The following ERP44 variants were observed in gnomAD, a reference collection of about 807,000 sequenced individuals.
The protein encoded by ERP44 is endoplasmic reticulum protein 44, also known as endoplasmic reticulum resident protein 44.
In ERP44, 25 loss-of-function variants were observed where a neutral mutation model predicts 53.4. The observed-to-expected ratio is 0.47, with a 90% CI of 0.34 to 0.65. The LOEUF is 0.65. ERP44 is among the 30% of genes least tolerant of loss of function. The pLI, the probability that ERP44 is intolerant of heterozygous loss-of-function variation, is 0.01. For synonymous variants in ERP44, 145 were observed against 161.2 expected (o/e 0.90, Z 0.76); for missense variants, 338 against 493.2 (o/e 0.69, Z 2.98).
At chr9:100,065,571 C>T (rs1826202561) in intron 1 of ERP44, among the ~76,000 whole-genome samples, 1 of 152,106 alleles carries the variant, frequency 6.6e-6, no homozygotes, top group Non-Finnish European at 1.5e-5. Context: ...ATCAAAATAT[C>T]TCATTGTACA....
In ERP44 at chr9:100,016,348, G is replaced by A. The variant is rs374215522; in HGVS notation, c.736C>T (p.Arg246Ter). Reference protein sequence around the residue: ...WIQDKCVPLVREITFENGEEL... With the variant: ...WIQDKCVPLV ...TCTCCATTTTCAAATGTTATTTCTCGGACAAGAGGAACACATTTATCTTGA... is the reference window on the plus strand; with the variant it reads ...TCTCCATTTTCAAATGTTATTTCTCAGACAAGAGGAACACATTTATCTTGA... Residue 246 changes from arginine to a stop codon, truncating the protein, a stop_gained, in exon 8 of 12, where the codon CGA (arginine) becomes TGA (stop). Coordinates refer to ENST00000262455, the MANE Select transcript of ERP44 (RefSeq NM_015051.3). LOFTEE classifies it high-confidence loss of function. The A allele has an allele frequency of 6.2e-7, 1 of 1,610,648 alleles. No individual in the cohort carries two copies. The highest frequency in any genetic ancestry group is 8.5e-7 in the Non-Finnish European group (1 of 1,178,884).
intron 1 of ERP44, among the ~76,000 whole-genome samples, chr9:100,087,534 A>G (rs1826498955): frequency 6.6e-6 from 1 of 152,238 alleles, no homozygotes; most frequent in South Asian, 2.1e-4. Context: ...AGGAGAGTTT[A>G]GTTTCTTATA....
intron 1 of ERP44, among the ~76,000 whole-genome samples, chr9:100,070,772 C>T (rs1826292725): frequency 6.6e-6 from 1 of 152,156 alleles, no homozygotes; most frequent in Non-Finnish European, 1.5e-5. Flanking sequence ...TGTAAAATGA[C>T]ACCATGAGGA....
intron 8 of ERP44, among the ~76,000 whole-genome samples, chr9:100,011,436 A>AGT (rs2118639185): frequency 6.6e-6 from 1 of 152,318 alleles, no homozygotes; most frequent in African/African-American, 2.4e-5. Flanking sequence ...AATTGAGTGC[A>AGT]GTGCACATAG....
chr9:100,008,137 A>C (rs1030135978), intron 8 of ERP44, among the ~76,000 whole-genome samples: 1 of 152,138 alleles, frequency 6.6e-6, no homozygotes, highest in Admixed American at 6.5e-5. Context: ...GATTTGCAAA[A>C]TTTTTTGTAT....
chr9:99,983,962 A>C (rs1830173861), intron 11 of ERP44, among the ~76,000 whole-genome samples: 1 of 152,224 alleles, frequency 6.6e-6, no homozygotes, highest in Non-Finnish European at 1.5e-5. Context: ...CAATAACGGT[A>C]AATGACATCT....
chr9:100,019,993 T>G (rs969969919), intron 6 of ERP44, among the ~76,000 whole-genome samples: 1 of 150,556 alleles, frequency 6.6e-6, no homozygotes, highest in African/African-American at 2.4e-5. Context: ...AAAAGAAAGG[T>G]GAAATTATAG....
chr9:100,056,044 A>T (rs1826084004), intron 3 of ERP44, among the ~76,000 whole-genome samples: 1 of 152,184 alleles, frequency 6.6e-6, no homozygotes. Flanking sequence ...AACTCAGTCC[A>T]TGTTTCCAAT....
intron 1 of ERP44, among the ~76,000 whole-genome samples, chr9:100,092,258 A>G (rs1826567312): frequency 6.6e-6 from 1 of 152,272 alleles, no homozygotes; most frequent in South Asian, 2.1e-4. Context: ...AATATCAGAT[A>G]AGCTGTGACA....
intron 3 of ERP44, among the ~76,000 whole-genome samples, chr9:100,054,938 T>C (rs1200988450): frequency 6.6e-6 from 1 of 152,160 alleles, no homozygotes; most frequent in Non-Finnish European, 1.5e-5. Flanking sequence ...ATCTAGTGCT[T>C]AAATCAATCC....
intron 10 of ERP44, among the ~76,000 whole-genome samples, chr9:99,985,953 GATA>G (rs1830192894): frequency 6.6e-6 from 1 of 152,148 alleles, no homozygotes; most frequent in Non-Finnish European, 1.5e-5. Context: ...ATATTCTGAG[GATA>G]ATGATATATA....
At chr9:100,097,331 T>C (rs1396473937) in intron 1 of ERP44, among the ~76,000 whole-genome samples, 1 of 152,060 alleles carries the variant, frequency 6.6e-6, no homozygotes, top group Non-Finnish European at 1.5e-5. Flanking sequence ...AACTTTTCTT[T>C]ACAATATCTT....
chr9:100,000,481 A>G (rs1282425167), intron 10 of ERP44, among the ~76,000 whole-genome samples: 4 of 148,118 alleles, frequency 2.7e-5, no homozygotes, highest in African/African-American at 7.4e-5. Flanking sequence ...ATTTTTTGGT[A>G]GTTTTAGAAA....
At chr9:100,049,435 CA>C (rs1826013061) in intron 4 of ERP44, among the ~76,000 whole-genome samples, 1 of 152,080 alleles carries the variant, frequency 6.6e-6, no homozygotes, top group Non-Finnish European at 1.5e-5. Context: ...AGAAAATAAA[CA>C]ATCCAATAAA....
At chr9:100,068,427 G>T (rs537542393) in intron 1 of ERP44, among the ~76,000 whole-genome samples, 1 of 119,600 alleles carries the variant, frequency 8.4e-6, no homozygotes, top group Non-Finnish European at 1.8e-5. Context: ...CAGCCGCCCC[G>T]TCCGGGAGGT....
chr9:100,022,822 G>A (rs1370185652), intron 4 of ERP44, among the ~76,000 whole-genome samples: 2 of 152,154 alleles, frequency 1.3e-5, no homozygotes, highest in Admixed American at 6.5e-5. Context: ...AGGTTAAAAT[G>A]GAATATGAGC....
At chr9:100,060,745 CAAGTTT>C (rs1380153477) in intron 1 of ERP44, among the ~76,000 whole-genome samples, 6 of 152,094 alleles carry the variant, frequency 3.9e-5, no homozygotes, top group East Asian at 1.9e-4. Context: ...ATCCAAAGTT[CAAGTTT>C]ATCAAAGAAA....
chr9:99,993,043 G>C (rs1447745322), intron 10 of ERP44, among the ~76,000 whole-genome samples: 1 of 152,210 alleles, frequency 6.6e-6, no homozygotes, highest in Non-Finnish European at 1.5e-5. Context: ...AACATTCCAT[G>C]CTCGTGGATA....
At chr9:99,982,741 A>G in intron 11 of ERP44, 28 bp from the exon 12 acceptor site, 1 of 1,406,964 alleles carries the variant, frequency 7.1e-7, no homozygotes, top group Admixed American at 2.0e-5. Flanking sequence ...AAACATTTTT[A>G]TACCAATATA....
Sources: gnomAD v4.1 joint callset for allele counts (sites outside exome capture counted in the v4.1 genomes callset) on GRCh38, gnomAD v4.1.1 for gene constraint, MANE v1.5 for transcripts, NCBI Gene and HGNC (gene_info 2026-07-23, HGNC 2026-07-21) for gene names.